PRKAG2: variants seen among roughly 807,000 people sequenced by gnomAD.
The protein encoded by PRKAG2 is protein kinase AMP-activated non-catalytic subunit gamma 2.
In PRKAG2, 26 loss-of-function variants were observed where a neutral mutation model predicts 69.6. That is an observed-to-expected ratio of 0.37 (90% CI 0.27 to 0.52). The LOEUF is 0.52. Among genes scored for constraint, PRKAG2 ranks in the 20% least tolerant of loss-of-function variants. The pLI is 0.90. For synonymous variants in PRKAG2, 293 were observed against 285.0 expected (o/e 1.03, Z -0.28); for missense variants, 557 against 740.0 (o/e 0.75, Z 2.87).
rs2079142285 is a variant in PRKAG2, at chr7:151,836,130, C to A, written c.114+40377G>T. Among the ~76,000 whole-genome samples, 1 of 152,234 alleles carries A rather than the reference C, an allele frequency of 6.6e-6. No homozygotes were observed. The highest frequency in any genetic ancestry group is 1.5e-5 in the Non-Finnish European group (1 of 68,044). On this transcript the variant is annotated intron_variant, in intron 1 of 15. Transcript: ENST00000287878. The surrounding 1 kb of genome is among the most constrained non-coding windows in gnomAD (Gnocchi z 4.1). ...GAATATTCATGACCGCTTCCCATAT[C>A]CTGAGTTTTGTCTTCGGCCGTGTCT...
Position 151,646,176 on chromosome 7 carries a change from C to T in PRKAG2, c.685-14038G>A, listed in dbSNP as rs552958993. Reference sequence around the variant, plus strand: ...CTTCATTTAAAAAATGGCTGTGAGTCCTTTAAGTTCCTTATGTTTCTATAT... The same window carrying T: ...CTTCATTTAAAAAATGGCTGTGAGTTCTTTAAGTTCCTTATGTTTCTATAT... On this transcript the variant is annotated intron_variant, in intron 4 of 15. Coordinates refer to ENST00000287878, the MANE Select transcript of PRKAG2 (RefSeq NM_016203.4). Among the ~76,000 whole-genome samples, 24 of 152,240 alleles carry T rather than the reference C, an allele frequency of 1.6e-4. No homozygotes were observed. The South Asian group carries it at 3.5e-3, about 22-fold the overall frequency.
rs1447446335 is a variant in PRKAG2 at position 151,632,691 on chromosome 7, C to G, written c.685-553G>C. ...CGCCCCGGGGCGCCAGCTAGGGGAT[C>G]CTTTCTCGCTTTCCTCTTCCCTTTC... On this transcript the variant is annotated intron_variant, in intron 4 of 15. Transcript: ENST00000287878. The surrounding 1 kb of genome is among the most constrained non-coding windows in gnomAD (Gnocchi z 4.2). The G allele has an allele frequency of 1.3e-6, 1 of 776,128 alleles. No individual in the cohort carries two copies. The highest frequency in any genetic ancestry group is 1.3e-4 in the East Asian group (1 of 7,934). 48.1% of individuals were successfully genotyped at this position (776,128 alleles called of 1,614,324 possible).
At chr7:151,718,617 A>G in intron 3 of PRKAG2, among the ~76,000 whole-genome samples, 1 of 147,696 alleles carries the variant, frequency 6.8e-6, no homozygotes, top group East Asian at 2.0e-4. Context: ...GGATGCAAAA[A>G]AAAAAAAAAA....
At chr7:151,818,707 C>T (rs929454283) in intron 1 of PRKAG2, among the ~76,000 whole-genome samples, 1 of 152,248 alleles carries the variant, frequency 6.6e-6, no homozygotes, top group Non-Finnish European at 1.5e-5. Context: ...GAAGAGGGAA[C>T]CCCCTGGGCT....
chr7:151,820,507 C>CT (rs2078743757), intron 1 of PRKAG2, among the ~76,000 whole-genome samples: 1 of 75,904 alleles, frequency 1.3e-5, no homozygotes, highest in African/African-American at 5.2e-5. Context: ...CGTGGCCTGG[C>CT]CCCTGTGGCT....
At chr7:151,829,742 A>G (rs527476835) in intron 1 of PRKAG2, among the ~76,000 whole-genome samples, 3 of 152,098 alleles carry the variant, frequency 2.0e-5, no homozygotes, top group African/African-American at 7.2e-5. Flanking sequence ...ACTTAAAAAC[A>G]TTTCGTTACG....
At chr7:151,557,437 C>T in intron 15 of PRKAG2, 1 of 985,140 alleles carries the variant, frequency 1.0e-6, no homozygotes, top group Non-Finnish European at 1.2e-6. Flanking sequence ...AACATCTTGT[C>T]ATTCTAAATA....
intron 4 of PRKAG2, among the ~76,000 whole-genome samples, chr7:151,641,202 C>G (rs1212961760): frequency 6.6e-6 from 1 of 151,570 alleles, no homozygotes; most frequent in African/African-American, 2.4e-5. Flanking sequence ...CAGCTCTTGC[C>G]ACCACCCTAC....
chr7:151,679,305 C>T (rs538042651), intron 3 of PRKAG2, among the ~76,000 whole-genome samples: 1 of 152,290 alleles, frequency 6.6e-6, no homozygotes, highest in African/African-American at 2.4e-5. Flanking sequence ...TAGTGTGGGG[C>T]ACTGCCTGGG....
At chr7:151,750,419 T>C (rs1331418464) in intron 3 of PRKAG2, among the ~76,000 whole-genome samples, 1 of 152,198 alleles carries the variant, frequency 6.6e-6, no homozygotes, top group Admixed American at 6.5e-5. Flanking sequence ...TATTCAGGCA[T>C]AAAAAGGAAT....
chr7:151,873,871 G>C (rs1467501194), intron 1 of PRKAG2, among the ~76,000 whole-genome samples: 2 of 152,144 alleles, frequency 1.3e-5, no homozygotes, highest in Non-Finnish European at 2.9e-5. Flanking sequence ...CTCAGCATGT[G>C]GCTGCCACAC....
At chr7:151,681,055 CT>C (rs1833814209) in intron 3 of PRKAG2, among the ~76,000 whole-genome samples, 1 of 152,238 alleles carries the variant, frequency 6.6e-6, no homozygotes, top group African/African-American at 2.4e-5. Context: ...TCCCCACCCC[CT>C]GCCGAGAGCT....
chr7:151,734,686 A>C lies in PRKAG2; in HGVS notation c.466+46466T>G, dbSNP rs190171996. ...CATCTCAGCCTCCTGAGTAGCTGGG[A>C]CTACAGGCATGTGCCACCATGCTCG... On this transcript the variant is annotated intron_variant, in intron 3 of 15. Transcript: ENST00000287878. Among the ~76,000 whole-genome samples, 210 of 152,196 alleles carry C rather than the reference A, an allele frequency of 1.4e-3. 5 individuals are homozygous for C. The highest frequency in any genetic ancestry group is 0.014 in the Admixed American group (208 of 15,280).
chr7:151,643,804 A>T (rs1827143592), intron 4 of PRKAG2, among the ~76,000 whole-genome samples: 1 of 152,232 alleles, frequency 6.6e-6, no homozygotes, highest in African/African-American at 2.4e-5. Context: ...TGTTGTGTGT[A>T]ATTTACCAAC....
chr7:151,650,736 G>A (rs1335659119), intron 4 of PRKAG2, among the ~76,000 whole-genome samples: 1 of 152,184 alleles, frequency 6.6e-6, no homozygotes, highest in African/African-American at 2.4e-5. Flanking sequence ...GGCAAACTGT[G>A]ACAACCTCCT....
chr7:151,664,051 A>G (rs1441755262), intron 4 of PRKAG2, among the ~76,000 whole-genome samples: 1 of 152,164 alleles, frequency 6.6e-6, no homozygotes, highest in African/African-American at 2.4e-5. Flanking sequence ...TAATCACAAA[A>G]CCAGGTGGTG....
intron 5 of PRKAG2, among the ~76,000 whole-genome samples, chr7:151,627,782 C>T (rs1253401630): frequency 6.6e-6 from 1 of 152,132 alleles, no homozygotes; most frequent in East Asian, 1.9e-4. Context: ...CCCACCTCAG[C>T]CTCCCAAGTA....
At chr7:151,716,331 A>G (rs1261902710) in intron 3 of PRKAG2, among the ~76,000 whole-genome samples, 1 of 152,226 alleles carries the variant, frequency 6.6e-6, no homozygotes, top group African/African-American at 2.4e-5. Context: ...GTGAATGGAT[A>G]GAGACCTCCA....
At chr7:151,707,426 G>A (rs780926244) in intron 3 of PRKAG2, among the ~76,000 whole-genome samples, 15 of 152,116 alleles carry the variant, frequency 9.9e-5, no homozygotes, top group Admixed American at 1.3e-4. Flanking sequence ...TATAATGACC[G>A]TTTAGTGACA....
Sources: allele counts gnomAD v4.1 joint callset (sites outside exome capture counted in the v4.1 genomes callset), GRCh38; gene constraint gnomAD v4.1.1; non-coding constraint Gnocchi (gnomAD v3.1); transcripts MANE v1.5; gene names NCBI Gene and HGNC (gene_info 2026-07-23, HGNC 2026-07-21).